Variants in NUBPL observed in about 807,000 individuals in gnomAD.
NUBPL encodes the protein iron-sulfur cluster transfer protein NUBPL.
A neutral mutation model predicts 45.7 loss-of-function variants in NUBPL; 31 were observed. That is an observed-to-expected ratio of 0.68 (90% CI 0.51 to 0.92). NUBPL has a LOEUF of 0.92. NUBPL is among the 40% of genes least tolerant of loss of function. The pLI is 0.00. For synonymous variants in NUBPL, 144 were observed against 140.9 expected, an observed-to-expected ratio of 1.02 and a Z score of -0.15; for missense variants, 401 against 398.7, an observed-to-expected ratio of 1.01 and a Z score of -0.05.
chr14:31,573,388 C>T (rs1364036477), intron 3 of NUBPL, among the ~76,000 whole-genome samples: 2 of 152,112 alleles, frequency 1.3e-5, no homozygotes, highest in Non-Finnish European at 2.9e-5. Flanking sequence ...ACTCCAGATG[C>T]ATCACCAGCT....
chr14:31,776,196 A>T (rs17098168), intron 6 of NUBPL, among the ~76,000 whole-genome samples: 24,156 of 152,196 alleles, frequency 0.16, 5,454 homozygotes, highest in African/African-American at 0.5. Context: ...TTACTAAATG[A>T]GATGCTTGGG....
intron 8 of NUBPL, among the ~76,000 whole-genome samples, chr14:31,831,866 A>G (rs1203972297): frequency 6.6e-6 from 1 of 152,200 alleles, no homozygotes; most frequent in Non-Finnish European, 1.5e-5. Context: ...AGAGCTTTAC[A>G]AAGTTTTAAT....
chr14:31,767,992 G>A (rs7493454), intron 6 of NUBPL, among the ~76,000 whole-genome samples: 44,319 of 151,396 alleles, frequency 0.29, 7,325 homozygotes, highest in South Asian at 0.41. Context: ...TCTTGGTTTA[G>A]AAAAAGTTTG....
intron 4 of NUBPL, among the ~76,000 whole-genome samples, chr14:31,667,530 A>G (rs2036463139): frequency 6.6e-6 from 1 of 151,710 alleles, no homozygotes; most frequent in African/African-American, 2.4e-5. Flanking sequence ...TGTTATTATT[A>G]CCCACCTTCT....
intron 10 of NUBPL, among the ~76,000 whole-genome samples, chr14:31,857,848 A>G (rs1016997500): frequency 2.0e-5 from 3 of 150,722 alleles, no homozygotes; most frequent in African/African-American, 7.4e-5. Context: ...AACTTTCCAC[A>G]TTTTCCTGTC....
intron 3 of NUBPL, among the ~76,000 whole-genome samples, chr14:31,571,638 C>T (rs140500926): frequency 9.2e-5 from 14 of 152,038 alleles, no homozygotes; most frequent in Non-Finnish European, 1.6e-4. Context: ...TTTGTAGAGA[C>T]GGGGTTTCAT....
intron 8 of NUBPL, chr14:31,845,067 C>T (rs2040431539): frequency 6.6e-6 from 1 of 152,140 alleles, no homozygotes; most frequent in African/African-American, 2.4e-5. Flanking sequence ...ACTGAAGTCC[C>T]ACAGTTGCTT....
intron 8 of NUBPL, among the ~76,000 whole-genome samples, chr14:31,831,030 A>G (rs930739947): frequency 7.0e-6 from 1 of 142,138 alleles, no homozygotes; most frequent in Non-Finnish European, 1.6e-5. Context: ...GAGGTGCCCT[A>G]ATCCTTTTTA....
intron 4 of NUBPL, among the ~76,000 whole-genome samples, chr14:31,657,614 T>G (rs371787068): frequency 1.3e-5 from 2 of 152,222 alleles, no homozygotes; most frequent in Non-Finnish European, 2.9e-5. Context: ...AACAGGTTTT[T>G]TCTTGCTTCA....
chr14:31,790,926 A>G (rs1030132116), intron 7 of NUBPL, among the ~76,000 whole-genome samples: 30 of 152,004 alleles, frequency 2.0e-4, no homozygotes, highest in Admixed American at 3.3e-4. Flanking sequence ...ACTATTCTTA[A>G]TTTATTTTTT....
intron 4 of NUBPL, chr14:31,661,951 C>T (rs1293027614): frequency 2.0e-5 from 3 of 152,318 alleles, no homozygotes; most frequent in African/African-American, 7.2e-5. Flanking sequence ...CTGCATCCTT[C>T]TCACTTTATT....
At chr14:31,601,825 G>A (rs556635347) in intron 4 of NUBPL, among the ~76,000 whole-genome samples, 111 of 152,272 alleles carry the variant, frequency 7.3e-4, no homozygotes, top group African/African-American at 2.6e-3. Flanking sequence ...GTGGAAGTCA[G>A]TGTGGCGATT....
At chr14:31,817,888 C>A (rs1191577639) in intron 7 of NUBPL, among the ~76,000 whole-genome samples, 1 of 151,942 alleles carries the variant, frequency 6.6e-6, no homozygotes, top group Admixed American at 6.6e-5. Context: ...GAGTCAAGAC[C>A]CATCAGTATG....
chr14:31,681,027 T>A (rs982283425), intron 6 of NUBPL, among the ~76,000 whole-genome samples: 6 of 152,158 alleles, frequency 3.9e-5, no homozygotes, highest in Non-Finnish European at 7.4e-5. Flanking sequence ...ATTTTTCTTG[T>A]AATATTTTTT....
intron 6 of NUBPL, among the ~76,000 whole-genome samples, chr14:31,719,832 G>C (rs2037770176): frequency 6.6e-6 from 1 of 152,018 alleles, no homozygotes; most frequent in African/African-American, 2.4e-5. Context: ...CATACAATGA[G>C]ATCATGATAA....
intron 3 of NUBPL, among the ~76,000 whole-genome samples, chr14:31,593,394 G>C (rs1047705793): frequency 6.6e-6 from 1 of 151,670 alleles, no homozygotes; most frequent in African/African-American, 2.4e-5. Flanking sequence ...GGCGTCTGTA[G>C]TCCCGGTTAC....
Position 31,584,351 on chromosome 14 carries a change from T to C in NUBPL, c.292-14938T>C, listed in dbSNP as rs531415814. On this transcript the variant is annotated intron_variant, in intron 3 of 10. Coordinates refer to ENST00000281081, the MANE Select transcript of NUBPL (RefSeq NM_025152.3). ...TATTGCCAAGGCTGGTCTTTAACTC[T>C]TGGGCTCAAGTGATCCTCCCACCTT... 5.9e-5 allele frequency among the ~76,000 whole-genome samples: 9 copies of C among 152,234 alleles called. No individual in the cohort carries two copies. In the East Asian group the frequency reaches 1.7e-3, roughly 29 times the overall value.
At chr14:31,644,716 A>G (rs1156592477) in intron 4 of NUBPL, among the ~76,000 whole-genome samples, 1 of 152,048 alleles carries the variant, frequency 6.6e-6, no homozygotes, top group African/African-American at 2.4e-5. Flanking sequence ...TTTTTTGTCT[A>G]GATGATCCAT....
intron 6 of NUBPL, among the ~76,000 whole-genome samples, chr14:31,710,223 G>A (rs1475658102): frequency 2.0e-5 from 3 of 152,136 alleles, no homozygotes; most frequent in Admixed American, 1.3e-4. Flanking sequence ...TGATGCCTGA[G>A]TGTTTCCTAT....
Sources: allele counts gnomAD v4.1 joint callset (sites outside exome capture counted in the v4.1 genomes callset), GRCh38; gene constraint gnomAD v4.1.1; transcripts MANE v1.5; gene names NCBI Gene and HGNC (gene_info 2026-07-23, HGNC 2026-07-21).